Variants in RLBP1 observed in about 807,000 individuals in gnomAD.
RLBP1 encodes the protein retinaldehyde-binding protein 1.
In RLBP1, 26 loss-of-function variants were observed where a neutral mutation model predicts 36.2. The ratio of observed to expected loss-of-function variants is 0.72; its 90% CI spans 0.53 to 1.00. The LOEUF (loss-of-function observed/expected upper bound fraction) is 1.00. RLBP1 is among the 50% of genes least tolerant of loss of function. The pLI is 0.00. For missense variants in RLBP1, 410 were observed against 402.4 expected (o/e 1.02, Z -0.16); for synonymous variants, 155 against 156.2 (o/e 0.99, Z 0.06).
In RLBP1 at chr15:89,210,415, C is replaced by T. The variant is rs747786014; in HGVS notation, c.824G>A (p.Gly275Asp). The T allele has an allele frequency of 3.9e-5, 63 of 1,614,192 alleles. No homozygotes were observed. The highest frequency in any genetic ancestry group is 5.3e-5 in the Non-Finnish European group (63 of 1,180,044). The stretch of plus-strand genomic sequence containing the variant: ...GTTCTCATCGATCTCCTGGTAGAAA[C>T]CAGAAAGGTCATCCCCGTGGACAAA... The part of the protein sequence containing the change: ...RVFVHGDDLS[G>D]FYQEIDENIL... Residue 275 changes from glycine (G) to aspartate (D), a missense_variant, in exon 9 of 9, where the codon GGT becomes GAT. Coordinates refer to ENST00000268125, the MANE Select transcript of RLBP1 (RefSeq NM_000326.5). The surrounding 1 kb of genome is among the most constrained non-coding windows in gnomAD (Gnocchi z 4.7).
In RLBP1 at chr15:89,211,125, C is replaced by T. The variant is rs904860158; in HGVS notation, c.685-316G>A. On this transcript the variant is annotated intron_variant, in intron 7 of 8. Transcript: ENST00000268125. This position sits in a 1 kb window ranked among gnomAD's most constrained non-coding sequence, Gnocchi z 5.8. Reference sequence around the variant, plus strand: ...TGACCTTTTGGTGAGTTTTTTCAAACCCACTTGCCTGCCGAAGGGACTGCA... The same window carrying T: ...TGACCTTTTGGTGAGTTTTTTCAAATCCACTTGCCTGCCGAAGGGACTGCA... 1.3e-4 allele frequency among the ~76,000 whole-genome samples: 20 copies of T among 152,132 alleles called. No homozygotes were observed. Among genetic ancestry groups the T allele is most frequent in the African/African-American group, 4.6e-4 (19 of 41,422 alleles).
Position 89,210,665 on chromosome 15 carries a change from CTT to C in RLBP1, c.795+32_795+33del, listed in dbSNP as rs776264789. The C allele has an allele frequency of 6.8e-5, 100 of 1,479,424 alleles. No individual in the cohort carries two copies. The African/African-American group carries it at 1.3e-3, about 19-fold the overall frequency. 91.6% of individuals were successfully genotyped at this position (1,479,424 alleles called of 1,614,324 possible). A position where few individuals can be genotyped will look rare whatever the true frequency, so the allele number is the denominator to read the frequency against. On this transcript the variant is annotated intron_variant, in intron 8 of 8. Transcript: ENST00000268125. This position sits in a 1 kb window ranked among gnomAD's most constrained non-coding sequence, Gnocchi z 4.7. Reference sequence around the variant, plus strand: ...CAGGTGAGGCCCCACCCTCAGCCCTCTTGTCTCATTGTCTGGGCGGCCCACGT... The same window carrying C: ...CAGGTGAGGCCCCACCCTCAGCCCTCGTCTCATTGTCTGGGCGGCCCACGT...
chr15:89,213,692 T>C (rs1240806052), intron 6 of RLBP1, among the ~76,000 whole-genome samples: 1 of 152,184 alleles, frequency 6.6e-6, no homozygotes, highest in Non-Finnish European at 1.5e-5. Flanking sequence ...AAAACACTCC[T>C]GAAAACTCAA....
At chr15:89,219,111 C>T in intron 2 of RLBP1, 36 bp from the exon 3 acceptor site, 1 of 1,007,598 alleles carries the variant, frequency 9.9e-7, no homozygotes, top group Non-Finnish European at 1.6e-6. Flanking sequence ...GTTATTGTCT[C>T]AGAACTGTGG....
Position 89,210,608 on chromosome 15 carries a change from G to T in RLBP1, c.795+91C>A. Reference sequence around the variant, plus strand: ...GTTGGGTGTCAGTGGGATCCACATAGCTCAGGACCATGGTAGAGTGTGAGG... The same window carrying T: ...GTTGGGTGTCAGTGGGATCCACATATCTCAGGACCATGGTAGAGTGTGAGG... On this transcript the variant is annotated intron_variant, in intron 8 of 8. Coordinates refer to ENST00000268125, the MANE Select transcript of RLBP1 (RefSeq NM_000326.5). This position sits in a 1 kb window ranked among gnomAD's most constrained non-coding sequence, Gnocchi z 4.7. 2 of 1,246,818 alleles carry T rather than the reference G, an allele frequency of 1.6e-6. No homozygotes were observed. Among genetic ancestry groups the T allele is most frequent in the South Asian group, 1.3e-5 (1 of 78,060 alleles). The allele number at this position is 1,246,818 out of a possible 1,614,324, so 77.2% of individuals were successfully genotyped here.
rs1473976623 is a variant in RLBP1, at chr15:89,211,740, C to G, written c.684+3G>C. 3 of 1,613,640 alleles carry G rather than the reference C, an allele frequency of 1.9e-6. No individual in the cohort carries two copies. Among genetic ancestry groups the G allele is most frequent in the South Asian group, 2.2e-5 (2 of 91,044 alleles). ...TGCCGTGCGACAGAACTCTAAGCCTCACCTGGAGCATGTCCACCATCTTCC... is the reference window on the plus strand; with the variant it reads ...TGCCGTGCGACAGAACTCTAAGCCTGACCTGGAGCATGTCCACCATCTTCC... On this transcript the variant is annotated splice_donor_region_variant and intron_variant, in intron 7 of 8. Transcript: ENST00000268125. The surrounding 1 kb of genome is among the most constrained non-coding windows in gnomAD (Gnocchi z 5.8).
chr15:89,211,211 A>C lies in RLBP1; in HGVS notation c.685-402T>G, dbSNP rs976098124. Among the ~76,000 whole-genome samples, 10 of 152,002 alleles carry C rather than the reference A, an allele frequency of 6.6e-5. No homozygotes were observed. Among genetic ancestry groups the C allele is most frequent in the African/African-American group, 2.2e-4 (9 of 41,392 alleles). The stretch of plus-strand genomic sequence containing the variant: ...CTCATTGTCCATCAGCCCCTCCCAC[A>C]ACCTCCACCTCCCACCCCTCCTTTC... On this transcript the variant is annotated intron_variant, in intron 7 of 8. Coordinates refer to ENST00000268125, the MANE Select transcript of RLBP1 (RefSeq NM_000326.5). This position sits in a 1 kb window ranked among gnomAD's most constrained non-coding sequence, Gnocchi z 5.8.
intron 4 of RLBP1, among the ~76,000 whole-genome samples, chr15:89,217,903 G>A (rs1220920217): frequency 6.6e-6 from 1 of 152,160 alleles, no homozygotes; most frequent in African/African-American, 2.4e-5. Flanking sequence ...TCCTCCGTGC[G>A]CCTCAGGCAG....
intron 2 of RLBP1, 119 bp from the exon 3 acceptor site, chr15:89,219,194 C>A: frequency 9.6e-6 from 6 of 627,092 alleles, no homozygotes; most frequent in Non-Finnish European, 1.4e-5. Flanking sequence ...GTCCCAACCT[C>A]CATGATTCTG....
Position 89,218,514 on chromosome 15 carries a change from C to T in RLBP1, c.141+51G>A. 2 of 1,613,190 alleles carry T rather than the reference C, an allele frequency of 1.2e-6. No homozygotes were observed. Among genetic ancestry groups the T allele is most frequent in the Non-Finnish European group, 1.7e-6 (2 of 1,179,536 alleles). On this transcript the variant is annotated intron_variant, in intron 4 of 8. Coordinates refer to ENST00000268125, the MANE Select transcript of RLBP1 (RefSeq NM_000326.5). The surrounding 1 kb of genome is among the most constrained non-coding windows in gnomAD (Gnocchi z 4.6). ...AGGAGAGAGAATGCAGTCATGTTCC[C>T]CTCATGTTGCCTCCCTAGGCTGCTC...
At chr15:89,212,932 C>T (rs1484714864) in intron 6 of RLBP1, among the ~76,000 whole-genome samples, 8 of 151,892 alleles carry the variant, frequency 5.3e-5, no homozygotes, top group East Asian at 1.9e-4. Context: ...AGGGTTTCAC[C>T]ATGTTGGCCA....
chr15:89,218,716 G>A lies in RLBP1; in HGVS notation c.13-23C>T, dbSNP rs75335761. The A allele has an allele frequency of 1.0e-3, 1,679 of 1,613,338 alleles. 58 individuals carry two copies. In the East Asian group the frequency reaches 0.037, roughly 36 times the overall value. On this transcript the variant is annotated intron_variant, in intron 3 of 8. Coordinates refer to ENST00000268125, the MANE Select transcript of RLBP1 (RefSeq NM_000326.5). This position sits in a 1 kb window ranked among gnomAD's most constrained non-coding sequence, Gnocchi z 4.6. ...CACCTGGGCAGAGAAAGGAAAAAGA[G>A]GAACAGCCAACCGCATCAGCCTGAG... is the stretch of plus-strand genomic sequence containing the variant.
At chr15:89,220,708 A>C (rs1347656534) in intron 1 of RLBP1, among the ~76,000 whole-genome samples, 1 of 152,078 alleles carries the variant, frequency 6.6e-6, no homozygotes. Context: ...CAGGAATGGA[A>C]ATGGAGAGGC....
rs891763863 is a variant in RLBP1, at chr15:89,218,474, C to G, written c.141+91G>C. The stretch of plus-strand genomic sequence containing the variant: ...TCCAGGATGATCTGGAGTGCCGAGG[C>G]TGGACCCTTTTCACAGGAGAGAGAA... On this transcript the variant is annotated intron_variant, in intron 4 of 8. Transcript: ENST00000268125. The surrounding 1 kb of genome is among the most constrained non-coding windows in gnomAD (Gnocchi z 4.6). The G allele has an allele frequency of 2.5e-6, 4 of 1,584,582 alleles. No individual in the cohort carries two copies. Among genetic ancestry groups the G allele is most frequent in the Non-Finnish European group, 3.5e-6 (4 of 1,157,714 alleles).
chr15:89,220,260 G>A (rs1461107783), intron 1 of RLBP1, among the ~76,000 whole-genome samples: 5 of 152,132 alleles, frequency 3.3e-5, no homozygotes, highest in African/African-American at 1.2e-4. Flanking sequence ...TTTGAATCAG[G>A]CTTTGTCAGT....
rs200081944 is a variant in RLBP1 at position 89,211,939 on chromosome 15, G to A, written c.526-38C>T. 6.5e-5 allele frequency: 104 copies of A among 1,610,674 alleles called. No homozygotes were observed. Among genetic ancestry groups the A allele is most frequent in the Admixed American group, 1.3e-4 (8 of 59,908 alleles). The stretch of plus-strand genomic sequence containing the variant: ...GAGAACAGGCTGTAAGATCTAACCC[G>A]CAACAATAATTAAGGCTTGAGGTCC... On this transcript the variant is annotated intron_variant, in intron 6 of 8. Coordinates refer to ENST00000268125, the MANE Select transcript of RLBP1 (RefSeq NM_000326.5). This position sits in a 1 kb window ranked among gnomAD's most constrained non-coding sequence, Gnocchi z 5.8.
intron 5 of RLBP1, 63 bp from the exon 6 acceptor site, chr15:89,215,301 T>C (rs2051571003): frequency 1.3e-6 from 2 of 1,544,094 alleles, no homozygotes; most frequent in African/African-American, 1.4e-5. Context: ...CCATCCCTCC[T>C]AGTGGGACTC....
In RLBP1 at chr15:89,211,666, G is replaced by GCC; in HGVS notation, c.684+76_684+77insGG. 2.7e-6 allele frequency: 4 copies of GCC among 1,498,110 alleles called. No individual in the cohort carries two copies. Among genetic ancestry groups the GCC allele is most frequent in the Non-Finnish European group, 2.8e-6 (3 of 1,084,454 alleles). The allele number at this position is 1,498,110 out of a possible 1,614,324, so 92.8% of individuals were successfully genotyped here. On this transcript the variant is annotated intron_variant, in intron 7 of 8. Coordinates refer to ENST00000268125, the MANE Select transcript of RLBP1 (RefSeq NM_000326.5). This position sits in a 1 kb window ranked among gnomAD's most constrained non-coding sequence, Gnocchi z 5.8. ...GGTCCAACTTCTCAGTTCCCTGCAA[G>GCC]CACCATGAAAGGAGGCCCAGCCTCT...
chr15:89,220,806 A>C (rs2051620422), intron 1 of RLBP1, among the ~76,000 whole-genome samples: 2 of 152,146 alleles, frequency 1.3e-5, no homozygotes, highest in African/African-American at 4.8e-5. Flanking sequence ...ACAAGATCCT[A>C]GATTTTAGGA....
Sources: allele counts gnomAD v4.1 joint callset (sites outside exome capture counted in the v4.1 genomes callset), GRCh38; gene constraint gnomAD v4.1.1; non-coding constraint Gnocchi (gnomAD v3.1); transcripts MANE v1.5; gene names NCBI Gene and HGNC (gene_info 2026-07-23, HGNC 2026-07-21).